The following SNAP25 variants were observed in gnomAD, a reference collection of about 807,000 sequenced individuals.
SNAP25 encodes synaptosomal-associated protein 25.
A neutral mutation model predicts 28.7 loss-of-function variants in SNAP25; 3 were observed. The observed-to-expected ratio is 0.10, with a 90% CI of 0.05 to 0.27. SNAP25 has a LOEUF of 0.27. Among genes scored for constraint, SNAP25 ranks in the 10% least tolerant of loss-of-function variants. The probability of loss-of-function intolerance (pLI) is 1.00; values close to 1 mark genes in which losing one functional copy is unlikely to be tolerated. For synonymous variants in SNAP25, 61 were observed against 88.1 expected, an observed-to-expected ratio of 0.69 and a Z score of 1.72; for missense variants, 117 against 278.7, an observed-to-expected ratio of 0.42 and a Z score of 4.13.
chr20:10,232,093 GCT>G (rs1311423258), intron 1 of SNAP25, among the ~76,000 whole-genome samples: 1 of 152,148 alleles, frequency 6.6e-6, no homozygotes, highest in African/African-American at 2.4e-5. Flanking sequence ...CATTACCAAA[GCT>G]CTCTCTTTCT....
At chr20:10,282,281 CA>C (rs1386594444) in intron 3 of SNAP25, among the ~76,000 whole-genome samples, 3 of 152,088 alleles carry the variant, frequency 2.0e-5, no homozygotes, top group Non-Finnish European at 4.4e-5. Context: ...ACCAACCACT[CA>C]ATCTTTTCAA....
intron 5 of SNAP25, chr20:10,296,567 T>TCC (rs1443745108): frequency 1.1e-5 from 2 of 186,350 alleles, no homozygotes; most frequent in Non-Finnish European, 2.0e-5. Context: ...CAGTATGTTT[T>TCC]TCTCTGTTTT....
chr20:10,277,207 C>A (rs887399395), intron 2 of SNAP25, among the ~76,000 whole-genome samples: 1 of 152,140 alleles, frequency 6.6e-6, no homozygotes, highest in Non-Finnish European at 1.5e-5. Flanking sequence ...CCTAAGGCAA[C>A]AACTTAATTT....
intron 1 of SNAP25, among the ~76,000 whole-genome samples, chr20:10,233,821 G>A (rs2062869343): frequency 6.6e-6 from 1 of 152,092 alleles, no homozygotes; most frequent in Non-Finnish European, 1.5e-5. Context: ...CTTTAAGCTT[G>A]TTTTCAACTT....
chr20:10,246,048 A>T (rs2063121757), intron 1 of SNAP25, among the ~76,000 whole-genome samples: 1 of 152,234 alleles, frequency 6.6e-6, no homozygotes, highest in Admixed American at 6.5e-5. Flanking sequence ...ACATTATTTA[A>T]TGGAATTCAT....
At chr20:10,239,377 G>A (rs1049868945) in intron 1 of SNAP25, among the ~76,000 whole-genome samples, 10 of 152,370 alleles carry the variant, frequency 6.6e-5, no homozygotes, top group African/African-American at 1.9e-4. Flanking sequence ...AGGAGGAACA[G>A]AGAGAACGAA....
At chr20:10,219,621 C>T (rs1360618891) in intron 1 of SNAP25, 1 of 152,204 alleles carries the variant, frequency 6.6e-6, no homozygotes, top group Admixed American at 6.5e-5. Context: ...GCGGCCCGCG[C>T]TCAGCACCCT....
chr20:10,228,159 A>G (rs2062765421), intron 1 of SNAP25, among the ~76,000 whole-genome samples: 1 of 152,094 alleles, frequency 6.6e-6, no homozygotes, highest in Non-Finnish European at 1.5e-5. Context: ...AACACGGGTT[A>G]CTCTGCATCC....
chr20:10,244,195 G>C (rs547806590), intron 1 of SNAP25, among the ~76,000 whole-genome samples: 43 of 152,320 alleles, frequency 2.8e-4, no homozygotes, highest in Middle Eastern at 6.8e-3. Flanking sequence ...TATCAATCAT[G>C]TTAATAGTCG....
intron 1 of SNAP25, among the ~76,000 whole-genome samples, chr20:10,264,481 G>A (rs545108703): frequency 6.6e-6 from 1 of 152,166 alleles, no homozygotes; most frequent in Non-Finnish European, 1.5e-5. Context: ...TGTCACTTGA[G>A]ATTGTTCTTC....
At chr20:10,286,151 G>A (rs569957853) in intron 4 of SNAP25, among the ~76,000 whole-genome samples, 30 of 152,150 alleles carry the variant, frequency 2.0e-4, no homozygotes, top group South Asian at 1.9e-3. Flanking sequence ...TGTCGGTGGG[G>A]AGACCAACCC....
chr20:10,247,029 T>C (rs1171606984), intron 1 of SNAP25, among the ~76,000 whole-genome samples: 1 of 152,198 alleles, frequency 6.6e-6, no homozygotes, highest in African/African-American at 2.4e-5. Flanking sequence ...CTGCTTGACA[T>C]GATGTGAGTG....
At chr20:10,294,421 C>T (rs976501873) in intron 5 of SNAP25, among the ~76,000 whole-genome samples, 2 of 152,192 alleles carry the variant, frequency 1.3e-5, no homozygotes, top group African/African-American at 4.8e-5. Context: ...ATCTAGCTAA[C>T]TGGAAACCTC....
intron 1 of SNAP25, among the ~76,000 whole-genome samples, chr20:10,270,136 C>A (rs947449702): frequency 6.6e-6 from 1 of 152,062 alleles, no homozygotes; most frequent in African/African-American, 2.4e-5. Context: ...GCCTGTAATC[C>A]CAGCTACTTG....
intron 1 of SNAP25, among the ~76,000 whole-genome samples, chr20:10,230,131 G>A (rs2062803412): frequency 6.6e-6 from 1 of 152,112 alleles, no homozygotes; most frequent in South Asian, 2.1e-4. Context: ...ATCTGGGGGA[G>A]CAGAAAATGC....
chr20:10,224,257 C>CTTGTTTTTTT (rs2062690245), intron 1 of SNAP25, among the ~76,000 whole-genome samples: 2 of 17,420 alleles, frequency 1.1e-4, no homozygotes, highest in African/African-American at 5.4e-4. Flanking sequence ...ATGTACATGT[C>CTTGTTTTTTT]TTTTTTTTTT....
chr20:10,300,491 T>A (rs111493584), intron 7 of SNAP25, among the ~76,000 whole-genome samples: 27 of 152,320 alleles, frequency 1.8e-4, no homozygotes, highest in Non-Finnish European at 3.2e-4. Flanking sequence ...GACGTTGAAG[T>A]TCTTTGTCTG....
chr20:10,239,247 C>A (rs1236008369), intron 1 of SNAP25, among the ~76,000 whole-genome samples: 1 of 152,186 alleles, frequency 6.6e-6, no homozygotes, highest in Non-Finnish European at 1.5e-5. Flanking sequence ...TCTTTTGAAC[C>A]ACTGAGTGTG....
chr20:10,246,982 T>A (rs2063140408), intron 1 of SNAP25, among the ~76,000 whole-genome samples: 1 of 152,102 alleles, frequency 6.6e-6, no homozygotes, highest in Non-Finnish European at 1.5e-5. Flanking sequence ...GATCATAACA[T>A]TGTTATGAGC....
Sources: allele counts gnomAD v4.1 joint callset (sites outside exome capture counted in the v4.1 genomes callset), GRCh38; gene constraint gnomAD v4.1.1; transcripts MANE v1.5; gene names NCBI Gene and HGNC (gene_info 2026-07-23, HGNC 2026-07-21).